Variants in SRSF1 observed in about 807,000 individuals in gnomAD.
SRSF1 encodes serine/arginine-rich splicing factor 1.
A neutral mutation model predicts 25.9 loss-of-function variants in SRSF1; 1 was observed. That is an observed-to-expected ratio of 0.04 (90% CI 0.01 to 0.18). The LOEUF is 0.18. SRSF1 is among the 10% of genes least tolerant of loss of function. The pLI, the probability that SRSF1 is intolerant of heterozygous loss-of-function variation, is 1.00. For synonymous variants in SRSF1, 132 were observed against 126.2 expected (o/e 1.05, Z -0.31); for missense variants, 65 against 350.5 (o/e 0.19, Z 6.50).
At chr17:57,997,446 C>T (rs1468350424), downstream of SRSF1, among the ~76,000 whole-genome samples, 6 of 152,062 alleles carry the variant, frequency 3.9e-5, no homozygotes, top group Admixed American at 3.9e-4. Context: ...CTGCATTTAG[C>T]TCATTGGGAA....
In SRSF1 at chr17:58,007,208, G is replaced by A. The variant is rs1022954812; in HGVS notation, c.-71C>T. On this transcript the variant is annotated 5_prime_UTR_variant, in exon 1 of 4. Coordinates refer to ENST00000258962, the MANE Select transcript of SRSF1 (RefSeq NM_006924.5). Reference sequence around the variant, plus strand: ...GCCTAGCGCACGGCAGAGCGAGCCCGCAGCGGCACCACGTCTCCCGCGGCC... The same window carrying A: ...GCCTAGCGCACGGCAGAGCGAGCCCACAGCGGCACCACGTCTCCCGCGGCC... The A allele has an allele frequency of 7.0e-6, 11 of 1,565,060 alleles. No individual in the cohort carries two copies. Among genetic ancestry groups the A allele is most frequent in the Non-Finnish European group, 7.0e-6 (8 of 1,148,604 alleles).
chr17:58,005,741 C>T lies in SRSF1; in HGVS notation c.552+60G>A. On this transcript the variant is annotated intron_variant, in intron 3 of 3. Transcript: ENST00000258962. This position sits in a 1 kb window ranked among gnomAD's most constrained non-coding sequence, Gnocchi z 5.2. ...TTGCCTGAATCCTTACCTTGAAATT[C>T]CACTGTTAAGACCACTGTATCCAAT... 3 of 1,612,562 alleles carry T rather than the reference C, an allele frequency of 1.9e-6. No individual in the cohort carries two copies. Among genetic ancestry groups the T allele is most frequent in the East Asian group, 2.2e-5 (1 of 44,870 alleles).
Position 58,005,661 on chromosome 17 carries a change from CTGAA to C in SRSF1, c.553-65_553-62del, listed in dbSNP as rs1390174150. On this transcript the variant is annotated intron_variant, in intron 3 of 3. Coordinates refer to ENST00000258962, the MANE Select transcript of SRSF1 (RefSeq NM_006924.5). This position sits in a 1 kb window ranked among gnomAD's most constrained non-coding sequence, Gnocchi z 5.2. ...AAGCTTTCATCTATCTTCAGACATGCTGAATGAATACAATGTAACTAAAACCAGA... is the reference window on the plus strand; with the variant it reads ...AAGCTTTCATCTATCTTCAGACATGCTGAATACAATGTAACTAAAACCAGA... The C allele has an allele frequency of 6.2e-7, 1 of 1,609,370 alleles. No individual in the cohort carries two copies. Among genetic ancestry groups the C allele is most frequent in the Non-Finnish European group, 8.5e-7 (1 of 1,176,830 alleles).
rs1040950388 is a variant in SRSF1, at chr17:58,004,417, G to A, written c.*989C>T. 1 of 152,514 alleles carries A rather than the reference G, an allele frequency of 6.6e-6. No individual in the cohort carries two copies. The highest frequency in any genetic ancestry group is 6.5e-5 in the Admixed American group (1 of 15,268). The allele number at this position is 152,514 out of a possible 1,614,324, so 9.4% of individuals were successfully genotyped here. Reference sequence around the variant, plus strand: ...ACCAATTATGAATATTAGTTTAAAGGGGAAGGTGAGACTTAAAAGTATTCC... The same window carrying A: ...ACCAATTATGAATATTAGTTTAAAGAGGAAGGTGAGACTTAAAAGTATTCC... On this transcript the variant is annotated 3_prime_UTR_variant, in exon 4 of 4. Transcript: ENST00000258962.
downstream of SRSF1, among the ~76,000 whole-genome samples, chr17:57,999,989 T>G (rs1365716093): frequency 2.0e-5 from 3 of 152,180 alleles, no homozygotes; most frequent in African/African-American, 7.2e-5. Flanking sequence ...AGTAAACTTC[T>G]TATGAAAAGT....
At chr17:57,996,754 G>T (rs1398220066), downstream of SRSF1, among the ~76,000 whole-genome samples, 1 of 152,102 alleles carries the variant, frequency 6.6e-6, no homozygotes, top group Non-Finnish European at 1.5e-5. Flanking sequence ...GTGTTAAAAT[G>T]TATGGATGCT....
Position 58,001,919 on chromosome 17 carries a change from A to C in SRSF1, c.*3487T>G, listed in dbSNP as rs1390293094. The stretch of plus-strand genomic sequence containing the variant: ...ATTTCAATGTGAGGTTAGAATTACT[A>C]TAACTTTTAGTAGAGCACATCTTTC... On this transcript the variant is annotated 3_prime_UTR_variant, in exon 4 of 4. Coordinates refer to ENST00000258962, the MANE Select transcript of SRSF1 (RefSeq NM_006924.5). 1.3e-5 allele frequency among the ~76,000 whole-genome samples: 2 copies of C among 152,234 alleles called. No individual in the cohort carries two copies. The highest frequency in any genetic ancestry group is 2.9e-5 in the Non-Finnish European group (2 of 68,024).
chr17:57,998,457 A>G (rs1428054278), downstream of SRSF1, among the ~76,000 whole-genome samples: 2 of 152,176 alleles, frequency 1.3e-5, no homozygotes, highest in Non-Finnish European at 2.9e-5. Context: ...GAACAATTCT[A>G]CCATGGTTTT....
At chr17:57,996,237 C>A (rs1294378100), downstream of SRSF1, among the ~76,000 whole-genome samples, 1 of 152,114 alleles carries the variant, frequency 6.6e-6, no homozygotes, top group Non-Finnish European at 1.5e-5. Flanking sequence ...GTAATCCCAG[C>A]ACTTTGGGAG....
chr17:58,006,822 TAC>T (rs1036527244), intron 1 of SRSF1, 120 bp downstream of exon 1: 87 of 1,212,336 alleles, frequency 7.2e-5, no homozygotes, highest in Non-Finnish European at 9.6e-5. Context: ...GCATGGGCGA[TAC>T]AGTCTCGCCC....
the SRSF1 span, chr17:57,989,851 T>C: frequency 2.5e-6 from 1 of 398,080 alleles, no homozygotes; most frequent in Non-Finnish European, 4.4e-6. Context: ...ATTTATCAGC[T>C]AAATTGCTAT....
chr17:58,001,681 A>C lies in SRSF1; in HGVS notation c.*3725T>G, dbSNP rs1407151386. On this transcript the variant is annotated 3_prime_UTR_variant, in exon 4 of 4. Coordinates refer to ENST00000258962, the MANE Select transcript of SRSF1 (RefSeq NM_006924.5). ...ATTCCAAGACAGCTTTTGTAGTTTC[A>C]AAAGGGTGTAACTTTCTTCTAATAA... Among the ~76,000 whole-genome samples, 3 of 152,216 alleles carry C rather than the reference A, an allele frequency of 2.0e-5. No individual in the cohort carries two copies. The highest frequency in any genetic ancestry group is 4.8e-5 in the African/African-American group (2 of 41,458).
chr17:57,992,960 A>G, the SRSF1 span: 1 of 152,330 alleles, frequency 6.6e-6, no homozygotes. Context: ...GACTAGCAAG[A>G]CCAAACTTTG....
At chr17:58,000,456 G>C (rs1173749778), downstream of SRSF1, among the ~76,000 whole-genome samples, 5 of 152,102 alleles carry the variant, frequency 3.3e-5, no homozygotes, top group Non-Finnish European at 7.4e-5. Flanking sequence ...GTTCCTTTAA[G>C]TACTGATACA....
rs372132653 is a variant in SRSF1 at position 58,002,537 on chromosome 17, A to T, written c.*2869T>A. 6.6e-6 allele frequency among the ~76,000 whole-genome samples: 1 copy of T among 152,246 alleles called. No homozygotes were observed. The highest frequency in any genetic ancestry group is 2.1e-4 in the South Asian group (1 of 4,836). On this transcript the variant is annotated 3_prime_UTR_variant, in exon 4 of 4. Coordinates refer to ENST00000258962, the MANE Select transcript of SRSF1 (RefSeq NM_006924.5). ...GACAAATACAAGAAGTAGCAGGCTA[A>T]AAGTTTTTAACTGCTTTGGTAGAGA...
chr17:58,000,232 C>A (rs2143456844), downstream of SRSF1, among the ~76,000 whole-genome samples: 1 of 152,220 alleles, frequency 6.6e-6, no homozygotes, highest in African/African-American at 2.4e-5. Flanking sequence ...GCTTTCAAAG[C>A]TACCAAGAAG....
rs1348848097 is a variant in SRSF1 at position 58,003,596 on chromosome 17, G to A, written c.*1810C>T. The A allele has an allele frequency of 1.3e-5, 2 of 152,100 alleles. No homozygotes were observed. The highest frequency in any genetic ancestry group is 4.8e-5 in the African/African-American group (2 of 41,408). The allele number at this position is 152,100 out of a possible 1,614,324, so 9.4% of individuals were successfully genotyped here. A position where few individuals can be genotyped will look rare whatever the true frequency, so the allele number is the denominator to read the frequency against. ...TTTTGTTTTCTTTAAATTTAGAAGT[G>A]ACTTACTGATTTACTATTTTAAACA... On this transcript the variant is annotated 3_prime_UTR_variant, in exon 4 of 4. Transcript: ENST00000258962.
chr17:58,000,055 A>T (rs544237398), downstream of SRSF1, among the ~76,000 whole-genome samples: 28 of 152,298 alleles, frequency 1.8e-4, no homozygotes, highest in African/African-American at 6.5e-4. Context: ...AAAATGTTGT[A>T]AATTACAAAT....
In SRSF1 at chr17:58,001,515, G is replaced by C. The variant is rs560368658; in HGVS notation, c.*3891C>G. Among the ~76,000 whole-genome samples, 1 of 152,280 alleles carries C rather than the reference G, an allele frequency of 6.6e-6. No individual in the cohort carries two copies. The highest frequency in any genetic ancestry group is 1.9e-4 in the East Asian group (1 of 5,192). ...TTTTGTTTCCAGTAGGATGTGGGCT[G>C]AACAGCAAGGTGGGTTATTCAATCT... On this transcript the variant is annotated 3_prime_UTR_variant, in exon 4 of 4. Coordinates refer to ENST00000258962, the MANE Select transcript of SRSF1 (RefSeq NM_006924.5).
Sources: gnomAD v4.1 joint callset for allele counts (sites outside exome capture counted in the v4.1 genomes callset) on GRCh38, gnomAD v4.1.1 for gene constraint, Gnocchi (gnomAD v3.1) non-coding constraint, MANE v1.5 for transcripts, NCBI Gene and HGNC (gene_info 2026-07-23, HGNC 2026-07-21) for gene names.